NR5A2: variants seen among roughly 807,000 people sequenced by gnomAD.
NR5A2 encodes nuclear receptor subfamily 5 group A member 2.
In NR5A2, 26 loss-of-function variants were observed where a neutral mutation model predicts 62.7. The observed-to-expected ratio is 0.41, with a 90% CI of 0.30 to 0.58. The LOEUF is 0.58. Ranked by LOEUF, NR5A2 falls within the 20% of genes least tolerant of loss-of-function variation. NR5A2 has a pLI of 0.22. For missense variants in NR5A2, 541 were observed against 669.1 expected (o/e 0.81, Z 2.11); for synonymous variants, 246 against 241.7 (o/e 1.02, Z -0.16).
At chr1:200,110,669 C>T (rs990107131) in intron 5 of NR5A2, among the ~76,000 whole-genome samples, 1 of 152,212 alleles carries the variant, frequency 6.6e-6, no homozygotes, top group Admixed American at 6.5e-5. Flanking sequence ...TCAGTTAACA[C>T]TGGTTACAAA....
intron 7 of NR5A2, among the ~76,000 whole-genome samples, chr1:200,159,690 C>G (rs1055133530): frequency 6.6e-6 from 1 of 151,736 alleles, no homozygotes. Context: ...CTCGCTCTGT[C>G]CTCTAGGCTG....
At chr1:200,133,604 CAT>C (rs71132670) in intron 7 of NR5A2, among the ~76,000 whole-genome samples, 6 of 91,528 alleles carry the variant, frequency 6.6e-5, no homozygotes, top group Non-Finnish European at 1.1e-4. Context: ...TATATATACA[CAT>C]ATATACACAC....
intron 5 of NR5A2, among the ~76,000 whole-genome samples, chr1:200,065,853 G>T (rs1039316514): frequency 1.2e-4 from 18 of 152,190 alleles, no homozygotes; most frequent in African/African-American, 4.3e-4. Context: ...TACAGGCACA[G>T]GAATAGCATA....
intron 7 of NR5A2, among the ~76,000 whole-genome samples, chr1:200,125,349 G>A (rs1558153819): frequency 1.3e-5 from 2 of 152,158 alleles, no homozygotes; most frequent in Non-Finnish European, 2.9e-5. Context: ...TGTTATATTT[G>A]TTCATCATGA....
chr1:200,096,094 T>C (rs1047849456), intron 5 of NR5A2, among the ~76,000 whole-genome samples: 1 of 151,618 alleles, frequency 6.6e-6, no homozygotes, highest in African/African-American at 2.4e-5. Context: ...CTGCTTTATT[T>C]TGTTTGTTTG....
Position 200,039,933 on chromosome 1 carries a change from C to CT in NR5A2, c.202+139dup. Reference sequence around the variant, plus strand: ...CTCGCAGCCGCGGGAGTCAAGCCCCCTCCCCAGGTGCAGGCATAAAAGTTT... The same window carrying CT: ...CTCGCAGCCGCGGGAGTCAAGCCCCCTTCCCCAGGTGCAGGCATAAAAGTTT... On this transcript the variant is annotated intron_variant, in intron 2 of 7. Transcript: ENST00000367362. The surrounding 1 kb of genome is among the most constrained non-coding windows in gnomAD (Gnocchi z 5.1). The CT allele has an allele frequency of 1.1e-6, 1 of 907,526 alleles. No individual in the cohort carries two copies. Among genetic ancestry groups the CT allele is most frequent in the Non-Finnish European group, 1.6e-6 (1 of 637,042 alleles). The allele number at this position is 907,526 out of a possible 1,614,324, so 56.2% of individuals were successfully genotyped here. A position where few individuals can be genotyped will look rare whatever the true frequency, so the allele number is the denominator to read the frequency against.
chr1:200,060,142 T>C (rs892710628), intron 5 of NR5A2, among the ~76,000 whole-genome samples: 7 of 152,208 alleles, frequency 4.6e-5, no homozygotes, highest in Admixed American at 4.6e-4. Flanking sequence ...CTCTCCTCCT[T>C]GTCCACTTTT....
At chr1:200,150,384 C>CT (rs1653013329) in intron 7 of NR5A2, among the ~76,000 whole-genome samples, 1 of 152,152 alleles carries the variant, frequency 6.6e-6, no homozygotes, top group Non-Finnish European at 1.5e-5. Context: ...ACTCTAGTAA[C>CT]TATCATCTAT....
At chr1:200,036,562 T>C (rs1482120609) in intron 1 of NR5A2, among the ~76,000 whole-genome samples, 1 of 152,150 alleles carries the variant, frequency 6.6e-6, no homozygotes, top group African/African-American at 2.4e-5. Context: ...TTAAATCCCT[T>C]GCAGAGCTAC....
At chr1:200,063,087 G>A (rs1432285931) in intron 5 of NR5A2, among the ~76,000 whole-genome samples, 6 of 151,250 alleles carry the variant, frequency 4.0e-5, no homozygotes, top group East Asian at 1.9e-4. Context: ...GCAGTGTCGC[G>A]ATTTCGGCTC....
intron 7 of NR5A2, among the ~76,000 whole-genome samples, chr1:200,159,333 G>T (rs1323965156): frequency 6.6e-6 from 1 of 152,158 alleles, no homozygotes; most frequent in Non-Finnish European, 1.5e-5. Context: ...TTCTCCAGAT[G>T]TTTCCCTTCA....
In NR5A2 at chr1:200,087,241, A is replaced by AAC. The variant is rs34917175; in HGVS notation, c.1111-23936_1111-23935dup. 3.3e-3 allele frequency among the ~76,000 whole-genome samples: 496 copies of AAC among 148,602 alleles called. 2 individuals carry two copies. Among genetic ancestry groups the AAC allele is most frequent in the Middle Eastern group, 0.017 (5 of 288 alleles). On this transcript the variant is annotated intron_variant, in intron 5 of 7. Transcript: ENST00000367362. ...TTCAACACATACACCCTTCTTCACC[A>AAC]ACACACACACACACACACACACACA...
At chr1:200,123,565 A>G (rs1316788820) in intron 7 of NR5A2, among the ~76,000 whole-genome samples, 1 of 152,112 alleles carries the variant, frequency 6.6e-6, no homozygotes, top group African/African-American at 2.4e-5. Flanking sequence ...GGCAAGAAGA[A>G]GTAAGTGCCA....
intron 5 of NR5A2, among the ~76,000 whole-genome samples, chr1:200,062,340 A>G (rs78071317): frequency 0.012 from 1,893 of 151,898 alleles, 47 homozygotes; most frequent in African/African-American, 0.044. Flanking sequence ...GGCTCATTCT[A>G]AGGGCTGTTG....
chr1:200,040,743 C>G (rs1662027584), intron 2 of NR5A2, among the ~76,000 whole-genome samples: 1 of 152,214 alleles, frequency 6.6e-6, no homozygotes, highest in Admixed American at 6.5e-5. Flanking sequence ...CTTGAAAGGA[C>G]TGGGAGGTGT....
intron 5 of NR5A2, among the ~76,000 whole-genome samples, chr1:200,103,268 C>T (rs2102277364): frequency 6.6e-6 from 1 of 152,022 alleles, no homozygotes; most frequent in East Asian, 1.9e-4. Context: ...GGATTACAGG[C>T]ACATGCCACC....
chr1:200,124,125 A>C (rs2821333), intron 7 of NR5A2, among the ~76,000 whole-genome samples: 59,835 of 151,904 alleles, frequency 0.39, 12,093 homozygotes, highest in Middle Eastern at 0.46. Flanking sequence ...TTAATACTCC[A>C]TGTGGTTGGA....
intron 5 of NR5A2, among the ~76,000 whole-genome samples, chr1:200,084,883 C>CT (rs1664453532): frequency 6.6e-6 from 1 of 152,186 alleles, no homozygotes; most frequent in South Asian, 2.1e-4. Flanking sequence ...TTTCCAGCCA[C>CT]TAAATAATGC....
At chr1:200,160,923 G>A (rs926457001) in intron 7 of NR5A2, among the ~76,000 whole-genome samples, 57 of 151,092 alleles carry the variant, frequency 3.8e-4, no homozygotes, top group African/African-American at 1.3e-3. Flanking sequence ...AACCACCAAA[G>A]TTTCTGAATG....
Sources: gnomAD v4.1 joint callset for allele counts (sites outside exome capture counted in the v4.1 genomes callset) on GRCh38, gnomAD v4.1.1 for gene constraint, Gnocchi (gnomAD v3.1) non-coding constraint, MANE v1.5 for transcripts, NCBI Gene and HGNC (gene_info 2026-07-23, HGNC 2026-07-21) for gene names.